NPAS3: variants seen among roughly 807,000 people sequenced by gnomAD.
NPAS3 encodes the protein neuronal PAS domain protein 3.
In NPAS3, 14 loss-of-function variants were observed where a neutral mutation model predicts 73.1. That is an observed-to-expected ratio of 0.19 (90% CI 0.13 to 0.30). NPAS3 has a LOEUF of 0.30. Ranked by LOEUF, NPAS3 falls within the 10% of genes least tolerant of loss-of-function variation. NPAS3 has a pLI of 1.00. For missense variants in NPAS3, 1,096 were observed against 1,250.0 expected, an observed-to-expected ratio of 0.88 and a Z score of 1.86; for synonymous variants, 620 against 541.5, an observed-to-expected ratio of 1.14 and a Z score of -2.01.
At chr14:33,544,762 T>TGTGTTTATG (rs2054702673) in intron 4 of NPAS3, among the ~76,000 whole-genome samples, 1 of 117,110 alleles carries the variant, frequency 8.5e-6, no homozygotes, top group African/African-American at 3.9e-5. Flanking sequence ...AGACAACATA[T>TGTGTTTATG]GCATGTATGT....
At chr14:33,638,555 T>C (rs1222127905) in intron 5 of NPAS3, among the ~76,000 whole-genome samples, 2 of 152,220 alleles carry the variant, frequency 1.3e-5, no homozygotes. Context: ...ATTTTGACTG[T>C]CTAGTACATG....
At chr14:33,774,576 G>A in intron 8 of NPAS3, 46 bp downstream of exon 8, 1 of 1,483,990 alleles carries the variant, frequency 6.7e-7, no homozygotes. Flanking sequence ...GTTGCACATT[G>A]GTGAGGGTTG....
At chr14:33,614,360 T>A (rs965181884) in intron 5 of NPAS3, among the ~76,000 whole-genome samples, 1 of 152,196 alleles carries the variant, frequency 6.6e-6, no homozygotes, top group South Asian at 2.1e-4. Flanking sequence ...ATTTTGAACA[T>A]ATTAATAATT....
intron 6 of NPAS3, among the ~76,000 whole-genome samples, chr14:33,731,190 G>A (rs888913636): frequency 1.3e-5 from 2 of 151,782 alleles, no homozygotes; most frequent in Admixed American, 6.6e-5. Context: ...GCACTTGGAG[G>A]GGCCAAGGCT....
intron 6 of NPAS3, among the ~76,000 whole-genome samples, chr14:33,686,340 C>T (rs945685005): frequency 1.3e-5 from 2 of 152,174 alleles, no homozygotes; most frequent in Non-Finnish European, 2.9e-5. Flanking sequence ...GGTAAAGAAT[C>T]TAAGATCCGT....
intron 4 of NPAS3, among the ~76,000 whole-genome samples, chr14:33,481,131 G>C (rs746216336): frequency 4.6e-5 from 7 of 152,158 alleles, no homozygotes; most frequent in Admixed American, 1.3e-4. Context: ...AAAAAGTCCA[G>C]AGTATAAGCA....
chr14:33,135,863 C>T (rs1215827412), intron 2 of NPAS3, among the ~76,000 whole-genome samples: 2 of 152,036 alleles, frequency 1.3e-5, no homozygotes, highest in African/African-American at 4.8e-5. Flanking sequence ...TAGTCCATCT[C>T]CTTAGATTCT....
intron 4 of NPAS3, among the ~76,000 whole-genome samples, chr14:33,538,828 A>G (rs2054373443): frequency 6.6e-6 from 1 of 152,176 alleles, no homozygotes; most frequent in African/African-American, 2.4e-5. Context: ...TAATAATTGT[A>G]AGACCCTACA....
chr14:33,764,264 T>C (rs2140845291), intron 7 of NPAS3, among the ~76,000 whole-genome samples: 1 of 152,304 alleles, frequency 6.6e-6, no homozygotes, highest in African/African-American at 2.4e-5. Context: ...TTTGAATATA[T>C]GTTGCATTTA....
chr14:33,018,739 C>G (rs1215781814), intron 1 of NPAS3, among the ~76,000 whole-genome samples: 1 of 152,070 alleles, frequency 6.6e-6, no homozygotes, highest in Non-Finnish European at 1.5e-5. Context: ...AAATTTAAAG[C>G]ACTGAATTCA....
At chr14:33,654,638 A>G (rs756286337) in intron 5 of NPAS3, among the ~76,000 whole-genome samples, 5 of 152,352 alleles carry the variant, frequency 3.3e-5, no homozygotes, top group Non-Finnish European at 5.9e-5. Context: ...TTTAAAAATT[A>G]TAAACCATCT....
intron 1 of NPAS3, among the ~76,000 whole-genome samples, chr14:33,000,447 C>T (rs1016024981): frequency 1.3e-5 from 2 of 152,124 alleles, no homozygotes; most frequent in African/African-American, 4.8e-5. Context: ...ACCAGGGTGC[C>T]ACTGCAAGAC....
intron 4 of NPAS3, among the ~76,000 whole-genome samples, chr14:33,452,180 G>A (rs532701215): frequency 6.6e-6 from 1 of 152,262 alleles, no homozygotes; most frequent in African/African-American, 2.4e-5. Context: ...TGAAGGAACT[G>A]AAAGCTACTT....
chr14:33,084,432 C>G (rs1487629019), intron 2 of NPAS3, among the ~76,000 whole-genome samples: 1 of 152,116 alleles, frequency 6.6e-6, no homozygotes, highest in Non-Finnish European at 1.5e-5. Flanking sequence ...TTTTTCCTAA[C>G]AGGTAATCAA....
intron 4 of NPAS3, among the ~76,000 whole-genome samples, chr14:33,470,444 T>A (rs1196673012): frequency 1.3e-5 from 2 of 152,126 alleles, no homozygotes; most frequent in African/African-American, 2.4e-5. Context: ...AATAATAGGG[T>A]CCGTATTGAA....
chr14:33,545,089 G>C (rs563467208), intron 4 of NPAS3, among the ~76,000 whole-genome samples: 1 of 151,536 alleles, frequency 6.6e-6, no homozygotes, highest in East Asian at 1.9e-4. Context: ...AGTAAACAAA[G>C]TCTTTCTCTC....
chr14:33,242,147 G>A (rs969376257), intron 3 of NPAS3, among the ~76,000 whole-genome samples: 9 of 151,804 alleles, frequency 5.9e-5, no homozygotes, highest in Non-Finnish European at 1.3e-4. Flanking sequence ...CAACCTTTTG[G>A]TGAAGAAAAA....
At chr14:33,674,568 C>G (rs970020446) in intron 5 of NPAS3, among the ~76,000 whole-genome samples, 3 of 152,170 alleles carry the variant, frequency 2.0e-5, no homozygotes, top group Admixed American at 1.3e-4. Flanking sequence ...GTAATCCCCC[C>G]CTCCCAGAGG....
At chr14:33,651,259 C>CAGTT (rs2058985646) in intron 5 of NPAS3, among the ~76,000 whole-genome samples, 2 of 152,288 alleles carry the variant, frequency 1.3e-5, no homozygotes, top group East Asian at 1.9e-4. Flanking sequence ...CACTCTGCAT[C>CAGTT]AGTTAGTTGG....
Sources: allele counts gnomAD v4.1 joint callset (sites outside exome capture counted in the v4.1 genomes callset), GRCh38; gene constraint gnomAD v4.1.1; transcripts MANE v1.5; gene names NCBI Gene and HGNC (gene_info 2026-07-23, HGNC 2026-07-21).